ST6GALNAC3: variants seen among roughly 807,000 people sequenced by gnomAD.
ST6GALNAC3 encodes the protein alpha-N-acetylgalactosaminide alpha-2,6-sialyltransferase 3.
A neutral mutation model predicts 32.7 loss-of-function variants in ST6GALNAC3; 25 were observed. That is an observed-to-expected ratio of 0.76 (90% CI 0.56 to 1.07). The LOEUF (loss-of-function observed/expected upper bound fraction) is 1.07, where lower values mean the gene tolerates loss of function less well. Ranked by LOEUF, ST6GALNAC3 falls within the 50% of genes least tolerant of loss-of-function variation. The pLI is 0.00. For synonymous variants in ST6GALNAC3, 129 were observed against 133.1 expected (o/e 0.97, Z 0.21); for missense variants, 355 against 382.4 (o/e 0.93, Z 0.60).
chr1:76,484,283 A>T (rs1659946921), intron 3 of ST6GALNAC3, among the ~76,000 whole-genome samples: 2 of 152,132 alleles, frequency 1.3e-5, no homozygotes, highest in Admixed American at 6.5e-5. Context: ...CTTAATGGGG[A>T]TGGCATTGAA....
intron 1 of ST6GALNAC3, among the ~76,000 whole-genome samples, chr1:76,302,035 T>A (rs1333218241): frequency 1.3e-5 from 2 of 151,986 alleles, no homozygotes; most frequent in East Asian, 1.9e-4. Flanking sequence ...TTCTGATTCT[T>A]TGTTCCCTAG....
intron 3 of ST6GALNAC3, among the ~76,000 whole-genome samples, chr1:76,523,222 T>G (rs1052980706): frequency 6.6e-6 from 1 of 152,216 alleles, no homozygotes. Flanking sequence ...AATTATCTGA[T>G]AAAATTCTCC....
At chr1:76,285,139 A>C (rs1419752142) in intron 1 of ST6GALNAC3, among the ~76,000 whole-genome samples, 3 of 152,224 alleles carry the variant, frequency 2.0e-5, no homozygotes, top group Non-Finnish European at 2.9e-5. Flanking sequence ...TGTCTAACCT[A>C]GAACTAAAGC....
intron 3 of ST6GALNAC3, among the ~76,000 whole-genome samples, chr1:76,478,757 A>ATT (rs1249648409): frequency 8.4e-6 from 1 of 119,552 alleles, no homozygotes; most frequent in African/African-American, 3.3e-5. Flanking sequence ...TAGTTTATTA[A>ATT]TTCTTTTTTT....
chr1:76,167,395 G>A (rs1652190155), intron 1 of ST6GALNAC3, among the ~76,000 whole-genome samples: 1 of 152,230 alleles, frequency 6.6e-6, no homozygotes, highest in African/African-American at 2.4e-5. Context: ...GCTGGATTTG[G>A]TTTGTCAGTA....
At chr1:76,174,663 C>CTTT (rs59269306) in intron 1 of ST6GALNAC3, among the ~76,000 whole-genome samples, 57 of 140,058 alleles carry the variant, frequency 4.1e-4, no homozygotes, top group Non-Finnish European at 6.2e-4. Flanking sequence ...TTTTTCTTTT[C>CTTT]TTTTTTTTTT....
intron 1 of ST6GALNAC3, among the ~76,000 whole-genome samples, chr1:76,080,742 T>C (rs1261296183): frequency 6.6e-6 from 1 of 152,000 alleles, no homozygotes; most frequent in Non-Finnish European, 1.5e-5. Flanking sequence ...TCACTGAGAC[T>C]GGAAAGCCAC....
intron 3 of ST6GALNAC3, among the ~76,000 whole-genome samples, chr1:76,464,483 G>A (rs1023884356): frequency 7.9e-5 from 12 of 152,208 alleles, no homozygotes; most frequent in African/African-American, 2.4e-4. Flanking sequence ...TAGGTATCCC[G>A]GGAGGAATAG....
At position 76,580,399 on chromosome 1, in the gene ST6GALNAC3, G is replaced by A. The variant is rs538682145; in HGVS notation, c.624-47053G>A. ...ACGCTTTCTGTTTCTTGCTCTTTCC[G>A]GATGTTCTGTCACATGACTTTAACT... On this transcript the variant is annotated intron_variant, in intron 3 of 4. Transcript: ENST00000328299. Among the ~76,000 whole-genome samples, 280 of 152,154 alleles carry A rather than the reference G, an allele frequency of 1.8e-3. 1 individual carries two copies. The highest frequency in any genetic ancestry group is 3.5e-3 in the Non-Finnish European group (237 of 67,970).
intron 3 of ST6GALNAC3, among the ~76,000 whole-genome samples, chr1:76,465,702 T>A (rs1038737661): frequency 3.3e-5 from 5 of 152,052 alleles, no homozygotes; most frequent in Non-Finnish European, 7.4e-5. Flanking sequence ...TGGGATAGTA[T>A]TTTTCATTTT....
chr1:76,077,082 T>C (rs1646826693), intron 1 of ST6GALNAC3, among the ~76,000 whole-genome samples: 1 of 152,156 alleles, frequency 6.6e-6, no homozygotes, highest in South Asian at 2.1e-4. Flanking sequence ...AAGCTACACA[T>C]GGAGCAGTGC....
chr1:76,514,061 G>A (rs1351190242), intron 3 of ST6GALNAC3, among the ~76,000 whole-genome samples: 1 of 152,090 alleles, frequency 6.6e-6, no homozygotes, highest in Non-Finnish European at 1.5e-5. Flanking sequence ...TTTTGTTGTG[G>A]AATCTTTAGG....
intron 1 of ST6GALNAC3, among the ~76,000 whole-genome samples, chr1:76,130,138 T>C (rs1449221691): frequency 6.6e-6 from 1 of 152,202 alleles, no homozygotes; most frequent in Non-Finnish European, 1.5e-5. Context: ...GCTGGGAGCA[T>C]ATACATGAGT....
intron 1 of ST6GALNAC3, among the ~76,000 whole-genome samples, chr1:76,160,823 A>ATGTTGTT: frequency 6.6e-6 from 1 of 152,238 alleles, no homozygotes; most frequent in Non-Finnish European, 1.5e-5. Context: ...GACTTTCACC[A>ATGTTGTT]GTCCACAACC....
intron 1 of ST6GALNAC3, among the ~76,000 whole-genome samples, chr1:76,090,864 A>G (rs1647035127): frequency 6.6e-6 from 1 of 152,194 alleles, no homozygotes; most frequent in Admixed American, 6.5e-5. Context: ...CATTTTTAGC[A>G]CAAAACTAAA....
At chr1:76,290,211 T>G (rs1008520790) in intron 1 of ST6GALNAC3, among the ~76,000 whole-genome samples, 2 of 152,246 alleles carry the variant, frequency 1.3e-5, no homozygotes, top group African/African-American at 4.8e-5. Context: ...GCACTGTGTG[T>G]GTCCAGCACT....
At chr1:76,357,130 C>CTTTTTTTTTTTTTTTTTTTGT (rs55786044) in intron 2 of ST6GALNAC3, among the ~76,000 whole-genome samples, 1 of 111,176 alleles carries the variant, frequency 9.0e-6, no homozygotes, top group Admixed American at 1.2e-4. Context: ...TTTTCTTTTT[C>CTTTTTTTTTTTTTTTTTTTGT]TTTTTTTTTT....
intron 2 of ST6GALNAC3, among the ~76,000 whole-genome samples, chr1:76,340,631 C>T (rs1647882031): frequency 6.6e-6 from 1 of 152,206 alleles, no homozygotes; most frequent in African/African-American, 2.4e-5. Flanking sequence ...ATAATCCATA[C>T]ATTCTTTTTC....
At chr1:76,339,674 T>G (rs1647796056) in intron 2 of ST6GALNAC3, among the ~76,000 whole-genome samples, 1 of 152,112 alleles carries the variant, frequency 6.6e-6, no homozygotes, top group African/African-American at 2.4e-5. Flanking sequence ...TCAACAATCA[T>G]TTATTGAGTG....
Sources: gnomAD v4.1 joint callset for allele counts (sites outside exome capture counted in the v4.1 genomes callset) on GRCh38, gnomAD v4.1.1 for gene constraint, MANE v1.5 for transcripts, NCBI Gene and HGNC (gene_info 2026-07-23, HGNC 2026-07-21) for gene names.